DUSP3: variants seen among roughly 807,000 people sequenced by gnomAD.
The protein encoded by DUSP3 is dual specificity protein phosphatase 3.
DUSP3 carries 7 observed loss-of-function variants against 15.5 expected under a neutral mutation model. The ratio of observed to expected loss-of-function variants is 0.45; its 90% CI spans 0.26 to 0.85. The LOEUF is 0.85. Ranked by LOEUF, DUSP3 falls within the 40% of genes least tolerant of loss-of-function variation. The pLI, the probability that DUSP3 is intolerant of heterozygous loss-of-function variation, is 0.18. For synonymous variants in DUSP3, 86 were observed against 104.2 expected (o/e 0.83, Z 1.07); for missense variants, 209 against 251.7 (o/e 0.83, Z 1.15).
At chr17:43,776,063 G>A (rs60118439) in intron 1 of DUSP3, among the ~76,000 whole-genome samples, 255 of 152,322 alleles carry the variant, frequency 1.7e-3, no homozygotes, top group African/African-American at 6.0e-3. Context: ...AGGTTGCAGT[G>A]TGCTGAGATT....
At position 43,774,890 on chromosome 17, in the gene DUSP3, A is replaced by G. The variant is rs1004757835; in HGVS notation, c.174T>C (p.His58=). Residue 58 remains histidine, a synonymous_variant, in exon 2 of 3, where the codon CAT becomes CAC. Transcript: ENST00000226004. ...IPKLQKLGIT[H]VLNAAEGRSF... ...ACCTGCCCTCAGCCGCGTTCAGCAC[A>G]TGGGTGATGCCTAGTTTCTGCAGCT... The G allele has an allele frequency of 1.1e-5, 18 of 1,614,084 alleles. No homozygotes were observed. Among genetic ancestry groups the G allele is most frequent in the Non-Finnish European group, 1.4e-5 (17 of 1,180,052 alleles).
Position 43,775,395 on chromosome 17 carries a change from C to T in DUSP3, c.126-457G>A, listed in dbSNP as rs562418405. Among the ~76,000 whole-genome samples the T allele has an allele frequency of 2.5e-3, 375 of 152,328 alleles. 2 individuals are homozygous for T. Among genetic ancestry groups the T allele is most frequent in the African/African-American group, 8.7e-3 (360 of 41,566 alleles). On this transcript the variant is annotated intron_variant, in intron 1 of 2. Transcript: ENST00000226004. The stretch of plus-strand genomic sequence containing the variant: ...ACCTTAAGCAAGCCATTTAACCTTT[C>T]TGTGCCTCAGTTTCCCTCTCTGTAA...
chr17:43,776,745 CAGCTGAA>C (rs1974392734), intron 1 of DUSP3, among the ~76,000 whole-genome samples: 1 of 152,204 alleles, frequency 6.6e-6, no homozygotes, highest in Non-Finnish European at 1.5e-5. Flanking sequence ...GAAGTGATGA[CAGCTGAA>C]TGGCCAACCT....
chr17:43,767,610 G>T lies in DUSP3; in HGVS notation c.*1999C>A, dbSNP rs1974257591. 1 of 152,212 alleles carries T rather than the reference G, an allele frequency of 6.6e-6. No individual in the cohort carries two copies. Among genetic ancestry groups the T allele is most frequent in the Non-Finnish European group, 1.5e-5 (1 of 68,020 alleles). 9.4% of individuals were successfully genotyped at this position (152,212 alleles called of 1,614,324 possible). On this transcript the variant is annotated 3_prime_UTR_variant, in exon 3 of 3. Transcript: ENST00000226004. Reference sequence around the variant, plus strand: ...TTTTTTAAAAAAGGTCACAATACAAGAACAAGCTCTACTAACTTTACAGGG... The same window carrying T: ...TTTTTTAAAAAAGGTCACAATACAATAACAAGCTCTACTAACTTTACAGGG...
chr17:43,767,688 A>G lies in DUSP3; in HGVS notation c.*1921T>C, dbSNP rs1175137751. 8 of 152,262 alleles carry G rather than the reference A, an allele frequency of 5.3e-5. No individual in the cohort carries two copies. The highest frequency in any genetic ancestry group is 1.9e-4 in the African/African-American group (8 of 41,456). 9.4% of individuals were successfully genotyped at this position (152,262 alleles called of 1,614,324 possible). On this transcript the variant is annotated 3_prime_UTR_variant, in exon 3 of 3. Transcript: ENST00000226004. ...TTGGAAGGCTACCTAGAAGCTGTGC[A>G]GTGAGGTACCCAGTTTAGAGGATGG...
intron 2 of DUSP3, among the ~76,000 whole-genome samples, chr17:43,771,297 G>A (rs1239925132): frequency 2.0e-5 from 3 of 152,028 alleles, no homozygotes; most frequent in African/African-American, 7.2e-5. Flanking sequence ...TACATGTTCA[G>A]TACAGACATA....
At chr17:43,773,274 ACCTCATGGGGGTCC>A (rs1974341083) in intron 2 of DUSP3, among the ~76,000 whole-genome samples, 1 of 152,154 alleles carries the variant, frequency 6.6e-6, no homozygotes, top group Non-Finnish European at 1.5e-5. Flanking sequence ...GGCTGTTCAC[ACCTCATGGGGGTCC>A]CCTCCGCTGG....
At chr17:43,770,978 G>C (rs1346679534) in intron 2 of DUSP3, among the ~76,000 whole-genome samples, 1 of 138,140 alleles carries the variant, frequency 7.2e-6, no homozygotes, top group Non-Finnish European at 1.5e-5. Flanking sequence ...GTGTGTGTGT[G>C]CGTGTATATA....
chr17:43,770,821 C>T (rs1294241763), intron 2 of DUSP3, among the ~76,000 whole-genome samples: 3 of 151,320 alleles, frequency 2.0e-5, no homozygotes, highest in African/African-American at 4.9e-5. Flanking sequence ...TGCAGTGGCG[C>T]GATCTCGGCT....
rs1428456202 is a variant in DUSP3 at position 43,766,461 on chromosome 17, A to G, written c.*3148T>C. ...TCTGTGAAAAAGAAAATTTCCTGCG[A>G]GAAAAGCTCATGTCTTCATATTGAA... On this transcript the variant is annotated 3_prime_UTR_variant, in exon 3 of 3. Transcript: ENST00000226004. The G allele has an allele frequency of 1.3e-5, 2 of 152,226 alleles. No individual in the cohort carries two copies. Among genetic ancestry groups the G allele is most frequent in the Admixed American group, 1.3e-4 (2 of 15,278 alleles). The allele number at this position is 152,226 out of a possible 1,614,324, so 9.4% of individuals were successfully genotyped here.
At chr17:43,771,911 G>A (rs1974325262) in intron 2 of DUSP3, among the ~76,000 whole-genome samples, 2 of 151,728 alleles carry the variant, frequency 1.3e-5, no homozygotes, top group Admixed American at 6.6e-5. Context: ...TCAGAAAGCT[G>A]AGGCAGGAGA....
At chr17:43,770,067 C>A (rs542275185) in intron 2 of DUSP3, among the ~76,000 whole-genome samples, 1 of 152,202 alleles carries the variant, frequency 6.6e-6, no homozygotes, top group East Asian at 1.9e-4. Context: ...TGCGGCACGG[C>A]GGTATCTCCT....
chr17:43,777,534 C>G, intron 1 of DUSP3: 1 of 455,936 alleles, frequency 2.2e-6, no homozygotes, highest in Non-Finnish European at 4.4e-6. Flanking sequence ...CATACATGAA[C>G]AAGACATTGA....
chr17:43,771,997 C>T (rs1420849610), intron 2 of DUSP3, among the ~76,000 whole-genome samples: 5 of 133,212 alleles, frequency 3.8e-5, no homozygotes, highest in Admixed American at 1.7e-4. Flanking sequence ...GTGACAAGAG[C>T]GAGACTCCGT....
chr17:43,774,981 G>C (rs1974369156), intron 1 of DUSP3, 43 bp from the exon 2 acceptor site: 6 of 1,590,310 alleles, frequency 3.8e-6, no homozygotes, highest in Non-Finnish European at 4.3e-6. Context: ...CAACCAAATG[G>C]CAGCCCCAGG....
rs1974429886 is a variant in DUSP3 at position 43,778,967 on chromosome 17, C to T, written c.-43G>A. 3.8e-6 allele frequency: 5 copies of T among 1,313,482 alleles called. No homozygotes were observed. In the South Asian group the frequency reaches 7.9e-5, roughly 21 times the overall value. 81.4% of individuals were successfully genotyped at this position (1,313,482 alleles called of 1,614,324 possible). A position where few individuals can be genotyped will look rare whatever the true frequency, so the allele number is the denominator to read the frequency against. ...GCACGCCCGGCAGGAGCAAGCGAGG[C>T]GGAGAGCGGCGGATCAGCTGGGCGG... On this transcript the variant is annotated 5_prime_UTR_variant, in exon 1 of 3. Coordinates refer to ENST00000226004, the MANE Select transcript of DUSP3 (RefSeq NM_004090.4).
chr17:43,769,342 C>G lies in DUSP3; in HGVS notation c.*267G>C. 1 of 458,510 alleles carries G rather than the reference C, an allele frequency of 2.2e-6. No individual in the cohort carries two copies. The highest frequency in any genetic ancestry group is 3.9e-6 in the Non-Finnish European group (1 of 255,574). The allele number at this position is 458,510 out of a possible 1,614,324, so 28.4% of individuals were successfully genotyped here. On this transcript the variant is annotated 3_prime_UTR_variant, in exon 3 of 3. Transcript: ENST00000226004. ...GGAAGCATGCAGGCCACAGGCCTTC[C>G]CCCTCTGAGCCCCCATCTCAGGGAA...
chr17:43,774,934 C>A lies in DUSP3; in HGVS notation c.130G>T (p.Val44Leu). 1 of 1,614,198 alleles carries A rather than the reference C, an allele frequency of 6.2e-7. No individual in the cohort carries two copies. The highest frequency in any genetic ancestry group is 8.5e-7 in the Non-Finnish European group (1 of 1,180,028). The change falls in exon 2 of 3, where the codon GTG becomes TTG. Residue 44 changes from valine (V) to leucine (L), a missense_variant. By Grantham distance (32) the Val-to-Leu change is conservative. Coordinates refer to ENST00000226004, the MANE Select transcript of DUSP3 (RefSeq NM_004090.4). ...TPRIYVGNASVAQDIPKLQKL... is the reference protein window; with the variant it reads ...TPRIYVGNASLAQDIPKLQKL... ...TGCAGCTTGGGGATGTCCTGAGCCA[C>A]AGACCTGGACAGGAGACAGTGGTGG...
chr17:43,774,445 G>A (rs1276333924), intron 2 of DUSP3, among the ~76,000 whole-genome samples: 1 of 152,172 alleles, frequency 6.6e-6, no homozygotes, highest in African/African-American at 2.4e-5. Context: ...GGACGTGTAA[G>A]CAACTGGAAA....
Sources: gnomAD v4.1 joint callset for allele counts (sites outside exome capture counted in the v4.1 genomes callset) on GRCh38, gnomAD v4.1.1 for gene constraint, MANE v1.5 for transcripts, NCBI Gene and HGNC (gene_info 2026-07-23, HGNC 2026-07-21) for gene names.